Variants in MGAT4C observed in about 807,000 individuals in gnomAD.
MGAT4C encodes MGAT4 family member C, also known as alpha-1,3-mannosyl-glycoprotein 4-beta-N-acetylglucosaminyltransferase C.
A neutral mutation model predicts 40.1 loss-of-function variants in MGAT4C; 19 were observed. The ratio of observed to expected loss-of-function variants is 0.47; its 90% CI spans 0.33 to 0.70. The LOEUF is 0.70. Among genes scored for constraint, MGAT4C ranks in the 30% least tolerant of loss-of-function variants. The pLI is 0.02. For synonymous variants in MGAT4C, 181 were observed against 187.1 expected, an observed-to-expected ratio of 0.97 and a Z score of 0.27; for missense variants, 491 against 563.2, an observed-to-expected ratio of 0.87 and a Z score of 1.30.
At chr12:86,706,566 G>A (rs1950463291) in intron 2 of MGAT4C, among the ~76,000 whole-genome samples, 1 of 151,974 alleles carries the variant, frequency 6.6e-6, no homozygotes, top group African/African-American at 2.4e-5. Flanking sequence ...CCTTATACTA[G>A]TTTTTATAAT....
At chr12:86,657,652 A>C (rs973510160) in intron 2 of MGAT4C, among the ~76,000 whole-genome samples, 1 of 151,906 alleles carries the variant, frequency 6.6e-6, no homozygotes, top group African/African-American at 2.4e-5. Context: ...AATGAAAACA[A>C]TTATAACTAG....
chr12:86,391,336 T>G (rs1956156741), intron 3 of MGAT4C, among the ~76,000 whole-genome samples: 1 of 152,198 alleles, frequency 6.6e-6, no homozygotes, highest in African/African-American at 2.4e-5. Flanking sequence ...AGGACAGTTG[T>G]GCCAAAGGTT....
At chr12:86,081,212 A>C (rs1030284949) in intron 1 of MGAT4C, among the ~76,000 whole-genome samples, 26 of 152,184 alleles carry the variant, frequency 1.7e-4, no homozygotes, top group African/African-American at 6.0e-4. Context: ...CTGAATAGTG[A>C]ATTTTGCTCC....
At chr12:86,330,665 C>A (rs1296688854) in intron 4 of MGAT4C, among the ~76,000 whole-genome samples, 2 of 152,074 alleles carry the variant, frequency 1.3e-5, no homozygotes, top group Non-Finnish European at 2.9e-5. Context: ...ATAGAATTAT[C>A]TGGTTTTCAT....
At chr12:86,408,473 CTCTCTCTATATATATATATATATA>C (rs1956524520) in intron 3 of MGAT4C, among the ~76,000 whole-genome samples, 1 of 108,136 alleles carries the variant, frequency 9.2e-6, no homozygotes, top group East Asian at 3.0e-4. Context: ...CTCTCTCTCT[CTCTCTCTATATATATATATATATA>C]TATATATATA....
chr12:86,553,038 C>A (rs1300292273), intron 2 of MGAT4C, among the ~76,000 whole-genome samples: 6 of 151,928 alleles, frequency 3.9e-5, no homozygotes, highest in Admixed American at 2.6e-4. Context: ...AAATAATAAT[C>A]ATTTGCTTTT....
intron 2 of MGAT4C, among the ~76,000 whole-genome samples, chr12:85,992,197 G>T (rs1886030814): frequency 6.6e-6 from 1 of 152,184 alleles, no homozygotes; most frequent in African/African-American, 2.4e-5. Context: ...AAAGCGACTA[G>T]CACAGCTACC....
intron 2 of MGAT4C, among the ~76,000 whole-genome samples, chr12:86,617,674 C>G (rs1046520759): frequency 6.6e-6 from 1 of 150,470 alleles, no homozygotes; most frequent in Non-Finnish European, 1.5e-5. Context: ...GAAGACAGAG[C>G]TAGACTCCGT....
intron 2 of MGAT4C, among the ~76,000 whole-genome samples, chr12:86,501,424 T>G (rs1958338797): frequency 6.6e-6 from 1 of 152,050 alleles, no homozygotes; most frequent in Non-Finnish European, 1.5e-5. Flanking sequence ...TTGCTGTACC[T>G]ATCAACCTAT....
rs546769397 is a variant in MGAT4C at position 86,653,903 on chromosome 12, TCTTATTAGAAATAA to T, written c.-229+73292_-229+73305del. ...GACATTTTTCTCATTACAAAGTTTTTCTTATTAGAAATAACTTATTAGAAATATTGCAAGTGCTA... is the reference window on the plus strand; with the variant it reads ...GACATTTTTCTCATTACAAAGTTTTTCTTATTAGAAATATTGCAAGTGCTA... On this transcript the variant is annotated intron_variant, in intron 2 of 7. Coordinates refer to the MGAT4C transcript ENST00000548651. Among the ~76,000 whole-genome samples the T allele has an allele frequency of 2.0e-3, 299 of 152,090 alleles. 1 individual carries two copies. The highest frequency in any genetic ancestry group is 6.2e-3 in the African/African-American group (256 of 41,568).
intron 1 of MGAT4C, among the ~76,000 whole-genome samples, chr12:86,131,543 G>A (rs146104514): frequency 2.6e-5 from 4 of 151,884 alleles, no homozygotes; most frequent in African/African-American, 9.7e-5. Context: ...CTTTTATTTT[G>A]TATAAATTTT....
rs140214664 is a variant in MGAT4C, at chr12:86,758,927, A to G, written c.-261-31686T>C. ...ACCTCTCTTCTGCCTGTTTTGAAAT[A>G]TATACTGCATTACTGTTAACTCTAC... On this transcript the variant is annotated intron_variant, in intron 1 of 7. Transcript: ENST00000548651. Among the ~76,000 whole-genome samples the G allele has an allele frequency of 3.4e-4, 51 of 152,182 alleles. No homozygotes were observed. The East Asian group carries it at 6.0e-3, about 18-fold the overall frequency.
At chr12:86,738,510 A>G (rs1951018331) in intron 1 of MGAT4C, among the ~76,000 whole-genome samples, 1 of 151,358 alleles carries the variant, frequency 6.6e-6, no homozygotes. Context: ...CAAAGCTGAT[A>G]CACAGAGCAG....
At chr12:86,126,178 A>G (rs932721500) in intron 1 of MGAT4C, among the ~76,000 whole-genome samples, 1 of 152,032 alleles carries the variant, frequency 6.6e-6, no homozygotes, top group Admixed American at 6.5e-5. Flanking sequence ...CCTACTTAAA[A>G]TGCTATATGT....
At chr12:86,740,800 A>G (rs1311359634) in intron 1 of MGAT4C, among the ~76,000 whole-genome samples, 3 of 151,258 alleles carry the variant, frequency 2.0e-5, no homozygotes, top group Non-Finnish European at 3.0e-5. Context: ...GGGATTTGTT[A>G]TTTGAATGCA....
intron 2 of MGAT4C, among the ~76,000 whole-genome samples, chr12:86,612,476 G>A (rs188308853): frequency 1.1e-4 from 16 of 152,098 alleles, no homozygotes; most frequent in Admixed American, 2.0e-4. Flanking sequence ...TGGGCCAGGC[G>A]CGGTGGCTCA....
Position 85,980,289 on chromosome 12 carries a change from G to T in MGAT4C, c.437C>A (p.Ser146Tyr). 15 of 1,613,912 alleles carry T rather than the reference G, an allele frequency of 9.3e-6. No individual in the cohort carries two copies. The highest frequency in any genetic ancestry group is 1.3e-5 in the Non-Finnish European group (15 of 1,179,884). ...SVVVHLADFN[S>Y]SWRDAMVQDI... Reference sequence around the variant, plus strand: ...CTGGACCATGGCATCACGCCAGGAAGAATTAAAGTCTGCTAGGTGAACCAC... The same window carrying T: ...CTGGACCATGGCATCACGCCAGGAATAATTAAAGTCTGCTAGGTGAACCAC... Residue 146 changes from serine (S) to tyrosine (Y), a missense_variant, in exon 5 of 5, where the codon TCT becomes TAT. Ser to Tyr is a moderately radical substitution (Grantham distance 144, BLOSUM62 -2). Transcript: ENST00000611864.
chr12:86,003,239 T>G (rs1425963988), intron 2 of MGAT4C, among the ~76,000 whole-genome samples: 1 of 152,228 alleles, frequency 6.6e-6, no homozygotes, highest in Non-Finnish European at 1.5e-5. Context: ...CAATTAATAC[T>G]AGCTTCATAT....
intron 2 of MGAT4C, among the ~76,000 whole-genome samples, chr12:86,571,831 T>C (rs1490369993): frequency 5.9e-5 from 9 of 152,162 alleles, no homozygotes; most frequent in Non-Finnish European, 1.0e-4. Flanking sequence ...ACATGAAATG[T>C]AGATTAGGCA....
Sources: gnomAD v4.1 joint callset for allele counts (sites outside exome capture counted in the v4.1 genomes callset) on GRCh38, gnomAD v4.1.1 for gene constraint, MANE v1.5 for transcripts, NCBI Gene and HGNC (gene_info 2026-07-23, HGNC 2026-07-21) for gene names.